Variants in ADARB2 observed in about 807,000 individuals in gnomAD.
ADARB2 encodes the protein adenosine deaminase RNA specific B2 (inactive), also known as inactive double-stranded RNA-specific editase B2.
ADARB2 carries 25 observed loss-of-function variants against 62.2 expected under a neutral mutation model. The ratio of observed to expected loss-of-function variants is 0.40; its 90% CI spans 0.29 to 0.56. The LOEUF (loss-of-function observed/expected upper bound fraction) is 0.56, where lower values mean the gene tolerates loss of function less well. ADARB2 is among the 20% of genes least tolerant of loss of function. The pLI is 0.43. For missense variants in ADARB2, 1,071 were observed against 1,077.4 expected (o/e 0.99, Z 0.08); for synonymous variants, 572 against 500.8 (o/e 1.14, Z -1.90).
chr10:1,280,878 C>A (rs1336814596), intron 3 of ADARB2, among the ~76,000 whole-genome samples: 4 of 152,158 alleles, frequency 2.6e-5, no homozygotes, highest in African/African-American at 9.7e-5. Flanking sequence ...TTCAGAGAAC[C>A]CCAGGATGGA....
At chr10:1,465,055 G>A (rs1036458898) in intron 1 of ADARB2, among the ~76,000 whole-genome samples, 2 of 152,214 alleles carry the variant, frequency 1.3e-5, no homozygotes, top group African/African-American at 4.8e-5. Flanking sequence ...GATGAAACAC[G>A]ACCCAGCCAT....
At chr10:1,383,753 T>G (rs1832503264) in intron 1 of ADARB2, among the ~76,000 whole-genome samples, 1 of 152,248 alleles carries the variant, frequency 6.6e-6, no homozygotes, top group Non-Finnish European at 1.5e-5. Context: ...AGTTAGCGGA[T>G]GTGCCCAGGA....
chr10:1,717,579 C>T (rs1231667445), intron 1 of ADARB2, among the ~76,000 whole-genome samples: 2 of 141,926 alleles, frequency 1.4e-5, no homozygotes, highest in Non-Finnish European at 3.1e-5. Context: ...TTCCTTCCTT[C>T]TTTCTTTCTT....
intron 1 of ADARB2, among the ~76,000 whole-genome samples, chr10:1,433,293 A>G (rs142920415): frequency 7.4e-4 from 112 of 152,276 alleles, no homozygotes; most frequent in Middle Eastern, 3.4e-3. Flanking sequence ...TCTTGCATGC[A>G]TGGAAGTGCT....
rs369846191 is a variant in ADARB2, at chr10:1,209,595, A to G, written c.1682+7356T>C. On this transcript the variant is annotated intron_variant, in intron 7 of 9. Coordinates refer to ENST00000381312, the MANE Select transcript of ADARB2 (RefSeq NM_018702.4). ...ATCACCCACACTCTCACCATCACCC[A>G]CACCCATGACCACGCCTACACCATC... Among the ~76,000 whole-genome samples, 404 of 149,740 alleles carry G rather than the reference A, an allele frequency of 2.7e-3. 6 individuals carry two copies. Among genetic ancestry groups the G allele is most frequent in the South Asian group, 0.027 (126 of 4,684 alleles).
At chr10:1,449,273 CT>C (rs1364872913) in intron 1 of ADARB2, among the ~76,000 whole-genome samples, 1 of 152,174 alleles carries the variant, frequency 6.6e-6, no homozygotes, top group Non-Finnish European at 1.5e-5. Context: ...GCCAGTATCC[CT>C]TAGTTTTGTA....
At chr10:1,289,938 C>CACAT (rs1831450009) in intron 3 of ADARB2, 1 of 152,064 alleles carries the variant, frequency 6.6e-6, no homozygotes, top group Admixed American at 6.5e-5. Flanking sequence ...CATACATAGG[C>CACAT]ACATACACGG....
In ADARB2 at chr10:1,458,553, T is replaced by C. The variant is rs141910602; in HGVS notation, c.101-79393A>G. On this transcript the variant is annotated intron_variant, in intron 1 of 9. Coordinates refer to ENST00000381312, the MANE Select transcript of ADARB2 (RefSeq NM_018702.4). ...CCCTATCCTGGGAGAGGCTCACCTATGCAGAGGGAGGCCCCGCAGACCCCT... is the reference window on the plus strand; with the variant it reads ...CCCTATCCTGGGAGAGGCTCACCTACGCAGAGGGAGGCCCCGCAGACCCCT... 3.4e-4 allele frequency among the ~76,000 whole-genome samples: 52 copies of C among 152,326 alleles called. 1 individual carries two copies. In the East Asian group the frequency reaches 7.9e-3, roughly 23 times the overall value.
At chr10:1,583,042 T>C (rs1479495154) in intron 1 of ADARB2, among the ~76,000 whole-genome samples, 1 of 152,212 alleles carries the variant, frequency 6.6e-6, no homozygotes, top group Non-Finnish European at 1.5e-5. Context: ...AATATTGCTC[T>C]TTCTCCTGGT....
At chr10:1,264,193 T>G (rs192339996) in intron 4 of ADARB2, among the ~76,000 whole-genome samples, 1 of 152,312 alleles carries the variant, frequency 6.6e-6, no homozygotes, top group Admixed American at 6.5e-5. Flanking sequence ...TCACCATCTT[T>G]CATCGCAGCA....
At chr10:1,210,318 C>CAG (rs1316251178) in intron 7 of ADARB2, among the ~76,000 whole-genome samples, 1 of 152,212 alleles carries the variant, frequency 6.6e-6, no homozygotes, top group Non-Finnish European at 1.5e-5. Flanking sequence ...AAAAGCCAGC[C>CAG]AGACATTAAT....
At chr10:1,679,847 G>A (rs570668445) in intron 1 of ADARB2, among the ~76,000 whole-genome samples, 8 of 152,298 alleles carry the variant, frequency 5.3e-5, no homozygotes, top group South Asian at 2.1e-4. Context: ...GGAAAAGCCC[G>A]TTCCTCCTTA....
At chr10:1,515,138 A>C (rs1015369728) in intron 1 of ADARB2, among the ~76,000 whole-genome samples, 24 of 152,236 alleles carry the variant, frequency 1.6e-4, no homozygotes, top group Admixed American at 3.3e-4. Flanking sequence ...ATCATTAACA[A>C]AAAAAGAACA....
intron 2 of ADARB2, among the ~76,000 whole-genome samples, chr10:1,375,933 TGC>T (rs1292608747): frequency 7.3e-6 from 1 of 137,022 alleles, no homozygotes; most frequent in African/African-American, 2.9e-5. Flanking sequence ...TGCACACACG[TGC>T]ACAGACACAC....
chr10:1,624,161 G>A (rs4880889), intron 1 of ADARB2, among the ~76,000 whole-genome samples: 26,074 of 152,060 alleles, frequency 0.17, 2,324 homozygotes, highest in Non-Finnish European at 0.19. Context: ...CTGAGCCCAG[G>A]AGGCTGAGAC....
chr10:1,304,916 A>G (rs1482900993), intron 3 of ADARB2, among the ~76,000 whole-genome samples: 3 of 135,262 alleles, frequency 2.2e-5, no homozygotes, highest in Non-Finnish European at 3.2e-5. Context: ...TGCCCACAAG[A>G]GAAAGCAGGA....
chr10:1,708,750 G>A (rs1364801550), intron 1 of ADARB2, among the ~76,000 whole-genome samples: 3 of 152,314 alleles, frequency 2.0e-5, no homozygotes, highest in Middle Eastern at 3.4e-3. Context: ...AGGATTTGAC[G>A]AGGATGTACA....
intron 1 of ADARB2, among the ~76,000 whole-genome samples, chr10:1,696,542 T>C (rs74726839): frequency 0.038 from 5,777 of 152,326 alleles, 203 homozygotes; most frequent in East Asian, 0.16. Context: ...CCCTTTCCAA[T>C]TGCTTTGTCC....
intron 4 of ADARB2, among the ~76,000 whole-genome samples, chr10:1,249,648 G>A (rs564406560): frequency 1.3e-5 from 2 of 150,324 alleles, no homozygotes; most frequent in East Asian, 3.9e-4. Flanking sequence ...ACATACACAC[G>A]AGTATCATGC....
Sources: gnomAD v4.1 joint callset for allele counts (sites outside exome capture counted in the v4.1 genomes callset) on GRCh38, gnomAD v4.1.1 for gene constraint, MANE v1.5 for transcripts, NCBI Gene and HGNC (gene_info 2026-07-23, HGNC 2026-07-21) for gene names.